Variants in SUPT3H observed in about 807,000 individuals in gnomAD.
SUPT3H encodes the protein transcription initiation protein SPT3 homolog.
In SUPT3H, 44 loss-of-function variants were observed where a neutral mutation model predicts 44.3. The observed-to-expected ratio is 0.99, with a 90% confidence interval of 0.78 to 1.28. The LOEUF (loss-of-function observed/expected upper bound fraction) is 1.28, where lower values mean the gene tolerates loss of function less well. SUPT3H is among the 50% of genes most tolerant of loss of function. The pLI, the probability that SUPT3H is intolerant of heterozygous loss-of-function variation, is 0.00. For synonymous variants in SUPT3H, 124 were observed against 125.6 expected, an observed-to-expected ratio of 0.99 and a Z score of 0.09; for missense variants, 380 against 387.1, an observed-to-expected ratio of 0.98 and a Z score of 0.15.
chr6:44,867,963 G>GTT (rs1371528399), intron 10 of SUPT3H, among the ~76,000 whole-genome samples: 3 of 75,960 alleles, frequency 3.9e-5, no homozygotes, highest in South Asian at 7.9e-4. Context: ...AACCATTTTG[G>GTT]TATTTTTTTT....
At chr6:44,864,684 G>A (rs868271192) in intron 10 of SUPT3H, among the ~76,000 whole-genome samples, 1 of 152,174 alleles carries the variant, frequency 6.6e-6, no homozygotes, top group Non-Finnish European at 1.5e-5. Context: ...TGGCTGGAGT[G>A]ACTGGGACAC....
chr6:44,863,338 A>C (rs753549213), intron 10 of SUPT3H, among the ~76,000 whole-genome samples: 9 of 152,296 alleles, frequency 5.9e-5, no homozygotes, highest in Middle Eastern at 3.4e-3. Context: ...ATGGGATGAA[A>C]AGGGGTAATG....
At chr6:44,836,134 T>C (rs1366715035) in intron 10 of SUPT3H, among the ~76,000 whole-genome samples, 1 of 152,206 alleles carries the variant, frequency 6.6e-6, no homozygotes, top group Non-Finnish European at 1.5e-5. Context: ...AATGGTGGTC[T>C]AAGACTCTTA....
chr6:45,111,012 T>A (rs1799969011), intron 2 of SUPT3H, among the ~76,000 whole-genome samples: 1 of 150,102 alleles, frequency 6.7e-6, no homozygotes, highest in Non-Finnish European at 1.5e-5. Context: ...TCAAAGGAGG[T>A]AAGAAATAAA....
At chr6:45,217,143 G>A (rs1245534588) in intron 2 of SUPT3H, among the ~76,000 whole-genome samples, 1 of 152,034 alleles carries the variant, frequency 6.6e-6, no homozygotes, top group East Asian at 1.9e-4. Context: ...AAAATGTAAA[G>A]AGACCTAAAT....
chr6:45,115,122 C>T (rs13199786), intron 2 of SUPT3H, among the ~76,000 whole-genome samples: 1 of 152,082 alleles, frequency 6.6e-6, no homozygotes, highest in African/African-American at 2.4e-5. Flanking sequence ...ACTTTTCTCA[C>T]CTATCATTTA....
At chr6:45,030,815 TAGAG>T (rs1786799623) in intron 3 of SUPT3H, among the ~76,000 whole-genome samples, 2 of 152,170 alleles carry the variant, frequency 1.3e-5, no homozygotes, top group African/African-American at 4.8e-5. Context: ...AGAAAATATA[TAGAG>T]AAAGTGCCAA....
chr6:45,092,536 G>GGTCAGGAGTTCTAGACCA (rs1797264297), intron 3 of SUPT3H, among the ~76,000 whole-genome samples: 2 of 151,960 alleles, frequency 1.3e-5, no homozygotes, highest in Admixed American at 1.3e-4. Flanking sequence ...GATCACCTGA[G>GGTCAGGAGTTCTAGACCA]GTCAGGAGTT....
chr6:45,087,768 T>A (rs1373759616), intron 3 of SUPT3H, among the ~76,000 whole-genome samples: 2 of 151,928 alleles, frequency 1.3e-5, no homozygotes, highest in Non-Finnish European at 2.9e-5. Context: ...CTGTTTCACC[T>A]CCCTCAAACT....
At chr6:45,103,492 A>G (rs762668344) in intron 3 of SUPT3H, among the ~76,000 whole-genome samples, 1 of 152,178 alleles carries the variant, frequency 6.6e-6, no homozygotes, top group Non-Finnish European at 1.5e-5. Flanking sequence ...TTTCAAACAG[A>G]TACTGCAATA....
chr6:45,330,976 C>T lies in SUPT3H; in HGVS notation c.101+34225G>A, dbSNP rs1350926019. Among the ~76,000 whole-genome samples the T allele has an allele frequency of 2.0e-5, 3 of 152,010 alleles. No homozygotes were observed. The East Asian group carries it at 5.8e-4, about 29-fold the overall frequency. On this transcript the variant is annotated intron_variant, in intron 2 of 10. Coordinates refer to ENST00000371459, the MANE Select transcript of SUPT3H (RefSeq NM_003599.4). ...TAGATTTTTATATAATGATTATCAC[C>T]ACCACCTAATGAAATGTCTTAAGTA... is the stretch of plus-strand genomic sequence containing the variant.
chr6:45,167,795 G>A (rs1235993724), intron 2 of SUPT3H, among the ~76,000 whole-genome samples: 1 of 151,320 alleles, frequency 6.6e-6, no homozygotes, highest in African/African-American at 2.4e-5. Context: ...GGCAAAAGAA[G>A]TTCACTTCTT....
chr6:45,177,023 C>G (rs1401086562), intron 2 of SUPT3H, among the ~76,000 whole-genome samples: 1 of 152,194 alleles, frequency 6.6e-6, no homozygotes, highest in African/African-American at 2.4e-5. Flanking sequence ...TCTCCTCCTC[C>G]AAAGGAACGC....
In SUPT3H at chr6:44,933,992, T is replaced by C. The variant is rs191039059; in HGVS notation, c.802-1229A>G. ...GCTAAGTTTTTGAAATGGAAGCTCA[T>C]TTACTTCAAAGTATAGTAGGTAGCA... On this transcript the variant is annotated intron_variant, in intron 9 of 10. Coordinates refer to ENST00000371459, the MANE Select transcript of SUPT3H (RefSeq NM_003599.4). 9.8e-5 allele frequency among the ~76,000 whole-genome samples: 15 copies of C among 152,314 alleles called. No homozygotes were observed. In the East Asian group the frequency reaches 2.9e-3, roughly 29 times the overall value.
intron 3 of SUPT3H, among the ~76,000 whole-genome samples, chr6:45,061,902 T>G (rs1260575898): frequency 4.7e-5 from 7 of 150,146 alleles, no homozygotes. Flanking sequence ...TGTTTTTTTT[T>G]TTTTTTTTTT....
At chr6:45,135,914 G>A (rs1410558434) in intron 2 of SUPT3H, among the ~76,000 whole-genome samples, 4 of 152,050 alleles carry the variant, frequency 2.6e-5, no homozygotes, top group Admixed American at 2.6e-4. Context: ...ATCCATATGG[G>A]GATCAATGTG....
intron 5 of SUPT3H, among the ~76,000 whole-genome samples, chr6:45,010,390 T>C (rs1001677266): frequency 3.3e-5 from 5 of 152,306 alleles, no homozygotes; most frequent in Admixed American, 6.5e-5. Context: ...GTGCCATTAA[T>C]GGACATCTTT....
chr6:44,963,065 G>A (rs534769844), intron 6 of SUPT3H, among the ~76,000 whole-genome samples: 1 of 150,804 alleles, frequency 6.6e-6, no homozygotes, highest in African/African-American at 2.4e-5. Flanking sequence ...ATATGTATGT[G>A]TATATATATA....
chr6:45,086,745 C>T (rs978030751), intron 3 of SUPT3H, among the ~76,000 whole-genome samples: 1 of 151,860 alleles, frequency 6.6e-6, no homozygotes, highest in East Asian at 1.9e-4. Context: ...AACTGTGCAT[C>T]ACTGGTACTG....
Sources: gnomAD v4.1 joint callset for allele counts (sites outside exome capture counted in the v4.1 genomes callset) on GRCh38, gnomAD v4.1.1 for gene constraint, MANE v1.5 for transcripts, NCBI Gene and HGNC (gene_info 2026-07-23, HGNC 2026-07-21) for gene names.